The following UGT1A10 variants were observed in gnomAD, a reference collection of about 807,000 sequenced individuals.
UGT1A10 encodes UDP glucuronosyltransferase family 1 member A10, also known as UDP-glucuronosyltransferase 1A10.
In UGT1A10, 49 loss-of-function variants were observed where a neutral mutation model predicts 45.8. The ratio of observed to expected loss-of-function variants is 1.07; its 90% confidence interval spans 0.85 to 1.36. The LOEUF is 1.36. Among genes scored for constraint, UGT1A10 ranks in the 40% most tolerant of loss-of-function variants. UGT1A10 has a pLI of 0.00. For missense variants in UGT1A10, 745 were observed against 668.6 expected (o/e 1.11, Z -1.26); for synonymous variants, 284 against 249.7 (o/e 1.14, Z -1.29).
At chr2:233,640,899 G>T (rs1269058225) in intron 1 of UGT1A10, among the ~76,000 whole-genome samples, 1 of 152,142 alleles carries the variant, frequency 6.6e-6, no homozygotes, top group Non-Finnish European at 1.5e-5. Flanking sequence ...AGGCTGGCAG[G>T]ACCAGGGGAA....
chr2:233,728,803 A>T (rs1389677112), intron 1 of UGT1A10, among the ~76,000 whole-genome samples: 1 of 152,188 alleles, frequency 6.6e-6, no homozygotes, highest in Non-Finnish European at 1.5e-5. Flanking sequence ...GAGAAGTAGG[A>T]GACAGTGACA....
At chr2:233,644,179 G>A (rs573410731) in intron 1 of UGT1A10, among the ~76,000 whole-genome samples, 5 of 152,264 alleles carry the variant, frequency 3.3e-5, no homozygotes, top group African/African-American at 9.6e-5. Context: ...TTTACTTGAG[G>A]CCAAGACCAT....
intron 1 of UGT1A10, among the ~76,000 whole-genome samples, chr2:233,666,904 GT>G (rs1393827317): frequency 1.3e-5 from 2 of 150,920 alleles, no homozygotes; most frequent in African/African-American, 4.9e-5. Context: ...GCGGTGTTTG[GT>G]TTCTTGTCCT....
At chr2:233,772,033 A>T (rs33979061) in intron 4 of UGT1A10, among the ~76,000 whole-genome samples, 1 of 152,088 alleles carries the variant, frequency 6.6e-6, no homozygotes, top group Non-Finnish European at 1.5e-5. Flanking sequence ...GGATGGCTTG[A>T]GCCCAGGAGT....
chr2:233,719,419 C>A (rs761827245), intron 1 of UGT1A10: 1 of 1,613,996 alleles, frequency 6.2e-7, no homozygotes, highest in Non-Finnish European at 8.5e-7. Flanking sequence ...TTACTAACGA[C>A]CAATTCAGAC....
Position 233,637,201 on chromosome 2 carries a change from G to T in UGT1A10, c.679G>T (p.Ala227Ser). ...ATTTTGCCAGTATCTTTTTAGAAAT[G>T]CCCTAGAAATAGCCTCTGAAATTCT... ...HLFCQYLFRN[A>S]LEIASEILQT... The change falls in exon 1 of 5, where the codon GCC becomes TCC. Residue 227 changes from alanine (A) to serine (S), a missense_variant. Transcript: ENST00000344644. The T allele has an allele frequency of 6.2e-7, 1 of 1,613,912 alleles. No individual in the cohort carries two copies. The highest frequency in any genetic ancestry group is 8.5e-7 in the Non-Finnish European group (1 of 1,179,864).
At chr2:233,712,416 C>T (rs2076233060) in intron 1 of UGT1A10, among the ~76,000 whole-genome samples, 1 of 152,192 alleles carries the variant, frequency 6.6e-6, no homozygotes, top group South Asian at 2.1e-4. Context: ...TTGAGCTTTA[C>T]AAGAAATATC....
intron 1 of UGT1A10, chr2:233,717,696 GGA>G: frequency 2.2e-6 from 1 of 445,086 alleles, no homozygotes; most frequent in Non-Finnish European, 4.6e-6. Flanking sequence ...GTGACTTTCT[GGA>G]GCAGGACGAG....
chr2:233,729,923 C>G (rs760546149), intron 1 of UGT1A10: 1 of 1,614,016 alleles, frequency 6.2e-7, no homozygotes, highest in Non-Finnish European at 8.5e-7. Flanking sequence ...ATGGACTACC[C>G]CAGGCCAATC....
Position 233,636,518 on chromosome 2 carries a change from C to T in UGT1A10, c.-5C>T. 8 of 1,608,620 alleles carry T rather than the reference C, an allele frequency of 5.0e-6. No individual in the cohort carries two copies. Among genetic ancestry groups the T allele is most frequent in the Non-Finnish European group, 6.8e-6 (8 of 1,176,484 alleles). On this transcript the variant is annotated 5_prime_UTR_variant, in exon 1 of 5. Coordinates refer to ENST00000344644, the MANE Select transcript of UGT1A10 (RefSeq NM_019075.4). ...CCAGCTGCTGGCTCGGGCTGCAGTTCTCTCATGGCTCGCGCAGGGTGGACC... is the reference window on the plus strand; with the variant it reads ...CCAGCTGCTGGCTCGGGCTGCAGTTTTCTCATGGCTCGCGCAGGGTGGACC...
intron 1 of UGT1A10, among the ~76,000 whole-genome samples, chr2:233,661,336 C>A (rs2073959529): frequency 6.6e-6 from 1 of 152,058 alleles, no homozygotes; most frequent in Non-Finnish European, 1.5e-5. Context: ...CTGTCATTAC[C>A]ATTACCACCA....
At chr2:233,680,546 A>G (rs1332779214) in intron 1 of UGT1A10, among the ~76,000 whole-genome samples, 1 of 152,112 alleles carries the variant, frequency 6.6e-6, no homozygotes, top group East Asian at 1.9e-4. Flanking sequence ...TCCCTCACGA[A>G]ATGCTCCTCA....
chr2:233,710,278 C>T (rs1324621072), intron 1 of UGT1A10, among the ~76,000 whole-genome samples: 1 of 152,148 alleles, frequency 6.6e-6, no homozygotes, highest in Non-Finnish European at 1.5e-5. Context: ...TGGGTAAATA[C>T]TTAAAAGTGG....
rs1003147991 is a variant in UGT1A10 at position 233,772,600 on chromosome 2, T to C, written c.*41T>C. 1 of 1,591,692 alleles carries C rather than the reference T, an allele frequency of 6.3e-7. No homozygotes were observed. The highest frequency in any genetic ancestry group is 8.6e-7 in the Non-Finnish European group (1 of 1,168,178). ...TAAGGTAAAATTTTGAACCATTCCC[T>C]AGTCATTTCCAAACTTGAAAACAGA... On this transcript the variant is annotated 3_prime_UTR_variant, in exon 5 of 5. Coordinates refer to ENST00000344644, the MANE Select transcript of UGT1A10 (RefSeq NM_019075.4).
Position 233,766,771 on chromosome 2 carries a change from C to T in UGT1A10, c.856-263C>T, listed in dbSNP as rs71528513. ...GTGCATGTGTGTGCATGTACCTGTG[C>T]TTTTCTTTTGGAAAACTAGCACATT... On this transcript the variant is annotated intron_variant, in intron 1 of 4. Transcript: ENST00000344644. 5.2e-3 allele frequency among the ~76,000 whole-genome samples: 785 copies of T among 152,286 alleles called. 3 individuals are homozygous for T. The highest frequency in any genetic ancestry group is 8.7e-3 in the Non-Finnish European group (595 of 68,032).
intron 1 of UGT1A10, among the ~76,000 whole-genome samples, chr2:233,656,367 A>G (rs2073853183): frequency 6.6e-6 from 1 of 152,202 alleles, no homozygotes; most frequent in Non-Finnish European, 1.5e-5. Context: ...AAGTTACTGA[A>G]ATCAGCCTCT....
intron 1 of UGT1A10, among the ~76,000 whole-genome samples, chr2:233,759,124 T>C (rs184414791): frequency 7.2e-5 from 11 of 152,358 alleles, no homozygotes; most frequent in Admixed American, 2.6e-4. Flanking sequence ...AGTTACAGCC[T>C]CTGGTACGCA....
At chr2:233,712,976 G>A (rs750445799) in intron 1 of UGT1A10, 18 of 1,612,962 alleles carry the variant, frequency 1.1e-5, no homozygotes, top group African/African-American at 6.7e-5. Flanking sequence ...GTCAGCTGTC[G>A]GTGGCTTCTG....
intron 1 of UGT1A10, among the ~76,000 whole-genome samples, chr2:233,687,304 G>A (rs6736743): frequency 0.39 from 59,722 of 151,878 alleles, 11,933 homozygotes; most frequent in South Asian, 0.45. Context: ...AGATATCAAT[G>A]TTGTCTTCTT....
Sources: allele counts gnomAD v4.1 joint callset (sites outside exome capture counted in the v4.1 genomes callset), GRCh38; gene constraint gnomAD v4.1.1; transcripts MANE v1.5; gene names NCBI Gene and HGNC (gene_info 2026-07-23, HGNC 2026-07-21).